Variants in FOXP2 observed in about 807,000 individuals in gnomAD.
FOXP2 encodes forkhead box P2.
In FOXP2, 12 loss-of-function variants were observed where a neutral mutation model predicts 115.8. That is an observed-to-expected ratio of 0.10 (90% confidence interval 0.07 to 0.17). FOXP2 has a LOEUF of 0.17. FOXP2 is among the 10% of genes least tolerant of loss of function. FOXP2 has a pLI of 1.00. For missense variants in FOXP2, 629 were observed against 843.5 expected, an observed-to-expected ratio of 0.75 and a Z score of 3.15; for synonymous variants, 328 against 297.7, an observed-to-expected ratio of 1.10 and a Z score of -1.05.
intron 2 of FOXP2, among the ~76,000 whole-genome samples, chr7:114,347,099 A>G (rs1791366215): frequency 1.3e-5 from 2 of 151,998 alleles, no homozygotes; most frequent in African/African-American, 4.8e-5. Context: ...TGTAACTGTA[A>G]TCTTGCTTTA....
chr7:114,160,583 CT>C (rs1792801218), upstream of FOXP2, among the ~76,000 whole-genome samples: 2 of 152,036 alleles, frequency 1.3e-5, no homozygotes, highest in African/African-American at 2.4e-5. Context: ...TTGTTAATGA[CT>C]ACCAGCATAC....
chr7:114,263,842 T>C (rs1795822910), intron 1 of FOXP2, among the ~76,000 whole-genome samples: 1 of 151,918 alleles, frequency 6.6e-6, no homozygotes, highest in Non-Finnish European at 1.5e-5. Context: ...AGCTGGCTTC[T>C]AGTTTGCATT....
At chr7:114,252,472 C>T (rs1417315404) in intron 1 of FOXP2, among the ~76,000 whole-genome samples, 1 of 152,062 alleles carries the variant, frequency 6.6e-6, no homozygotes, top group African/African-American at 2.4e-5. Context: ...ATTTCAGTGC[C>T]TGTTATTGGT....
intron 1 of FOXP2, among the ~76,000 whole-genome samples, chr7:114,261,727 A>G (rs1014374063): frequency 2.0e-5 from 3 of 152,198 alleles, no homozygotes; most frequent in African/African-American, 7.2e-5. Flanking sequence ...CATAATAAGT[A>G]CTTAAATCTA....
Position 114,494,528 on chromosome 7 carries a change from A to G in FOXP2, c.169-40089A>G, listed in dbSNP as rs556797039. 8.9e-4 allele frequency among the ~76,000 whole-genome samples: 135 copies of G among 152,234 alleles called. 1 individual carries two copies. The highest frequency in any genetic ancestry group is 1.5e-3 in the Non-Finnish European group (105 of 68,026). On this transcript the variant is annotated intron_variant, in intron 2 of 16. Transcript: ENST00000350908. ...TTATCCTTGGCCAGCACCCAAGAAA[A>G]CTGTGGAATAAACATTGAAAACTAA... is the stretch of plus-strand genomic sequence containing the variant.
intron 2 of FOXP2, among the ~76,000 whole-genome samples, chr7:114,366,080 G>A (rs1016204139): frequency 1.3e-5 from 2 of 152,220 alleles, no homozygotes; most frequent in Admixed American, 6.6e-5. Flanking sequence ...GCAGAAAAAC[G>A]TGTGCAGACT....
chr7:114,496,327 A>G (rs545289787), intron 2 of FOXP2, among the ~76,000 whole-genome samples: 14 of 152,256 alleles, frequency 9.2e-5, no homozygotes, highest in African/African-American at 2.9e-4. Flanking sequence ...TATTAATTGT[A>G]CATGCTTCAA....
intron 2 of FOXP2, among the ~76,000 whole-genome samples, chr7:114,375,414 T>C (rs566998649): frequency 2.0e-5 from 3 of 152,204 alleles, no homozygotes; most frequent in Non-Finnish European, 4.4e-5. Context: ...AGCTAGAATA[T>C]AGGCTCTGCT....
chr7:114,612,217 G>T (rs1803667340), intron 3 of FOXP2, among the ~76,000 whole-genome samples: 1 of 152,004 alleles, frequency 6.6e-6, no homozygotes, highest in African/African-American at 2.4e-5. Context: ...ATTGAGACTG[G>T]AGGGGAAGAG....
chr7:114,554,655 TCTC>T (rs1482618760), intron 3 of FOXP2, among the ~76,000 whole-genome samples: 1 of 152,192 alleles, frequency 6.6e-6, no homozygotes, highest in African/African-American at 2.4e-5. Flanking sequence ...TAGCTTTTGA[TCTC>T]CTAACATATT....
chr7:114,179,183 C>T (rs2129154695), intron 1 of FOXP2, among the ~76,000 whole-genome samples: 1 of 151,896 alleles, frequency 6.6e-6, no homozygotes, highest in Middle Eastern at 3.4e-3. Flanking sequence ...AATATTTTTC[C>T]TATGATTAAA....
intron 1 of FOXP2, among the ~76,000 whole-genome samples, chr7:114,216,205 G>A (rs890526061): frequency 2.0e-5 from 3 of 152,140 alleles, no homozygotes; most frequent in African/African-American, 7.2e-5. Flanking sequence ...GGCATTTCTT[G>A]ATCAAAAGTC....
chr7:114,341,066 G>T (rs1791192906), intron 2 of FOXP2, among the ~76,000 whole-genome samples: 1 of 151,026 alleles, frequency 6.6e-6, no homozygotes, highest in Non-Finnish European at 1.5e-5. Flanking sequence ...TTATTTATCT[G>T]GAAAGCATAA....
intron 7 of FOXP2, among the ~76,000 whole-genome samples, 189 bp downstream of exon 7, chr7:114,642,812 A>ATATATATTTTT (rs1308357594): frequency 8.3e-5 from 6 of 72,430 alleles, no homozygotes; most frequent in African/African-American, 2.9e-4. Context: ...ATATATATAT[A>ATATATATTTTT]TTTTTTTTTT....
chr7:114,430,964 C>A (rs1263877640), intron 2 of FOXP2, among the ~76,000 whole-genome samples: 1 of 151,836 alleles, frequency 6.6e-6, no homozygotes, highest in Non-Finnish European at 1.5e-5. Flanking sequence ...TGGGTATACT[C>A]TCGTTTCTAT....
intron 1 of FOXP2, among the ~76,000 whole-genome samples, chr7:114,266,807 G>T (rs974135466): frequency 6.6e-6 from 1 of 152,096 alleles, no homozygotes; most frequent in African/African-American, 2.4e-5. Flanking sequence ...TAGACACTCA[G>T]TACTTATTTG....
At chr7:114,334,146 T>C (rs931261705) in intron 2 of FOXP2, among the ~76,000 whole-genome samples, 1 of 152,150 alleles carries the variant, frequency 6.6e-6, no homozygotes, top group African/African-American at 2.4e-5. Context: ...AATTTTAAAT[T>C]GAAATACCTT....
At chr7:114,413,861 G>A (rs150123021), upstream of FOXP2, among the ~76,000 whole-genome samples, 604 of 152,188 alleles carry the variant, frequency 4.0e-3, 3 homozygotes, top group South Asian at 0.018. Context: ...TCTTCGAAGT[G>A]CTTTGTTCAG....
chr7:114,247,727 A>G (rs1562834713), intron 1 of FOXP2, among the ~76,000 whole-genome samples: 1 of 152,202 alleles, frequency 6.6e-6, no homozygotes, highest in Non-Finnish European at 1.5e-5. Context: ...TGAGGATAAA[A>G]GGATATATTA....
Sources: gnomAD v4.1 joint callset for allele counts (sites outside exome capture counted in the v4.1 genomes callset) on GRCh38, gnomAD v4.1.1 for gene constraint, MANE v1.5 for transcripts, NCBI Gene and HGNC (gene_info 2026-07-23, HGNC 2026-07-21) for gene names.